THSD7B: variants seen among roughly 807,000 people sequenced by gnomAD.
THSD7B encodes the protein thrombospondin type-1 domain-containing protein 7B.
In THSD7B, 138 loss-of-function variants were observed where a neutral mutation model predicts 213.6. The ratio of observed to expected loss-of-function variants is 0.65; its 90% CI spans 0.56 to 0.74. The LOEUF (loss-of-function observed/expected upper bound fraction) is 0.74. Ranked by LOEUF, THSD7B falls within the 30% of genes least tolerant of loss-of-function variation. The pLI is 0.00. For missense variants in THSD7B, 1,931 were observed against 1,991.5 expected (o/e 0.97, Z 0.58); for synonymous variants, 742 against 687.0 (o/e 1.08, Z -1.25).
chr2:137,398,754 T>A (rs1686270330), intron 12 of THSD7B, among the ~76,000 whole-genome samples: 1 of 151,990 alleles, frequency 6.6e-6, no homozygotes, highest in African/African-American at 2.4e-5. Flanking sequence ...TGGGCGCCCC[T>A]CCCCCAGCCT....
At chr2:137,449,162 T>G (rs1007162836) in intron 14 of THSD7B, among the ~76,000 whole-genome samples, 1 of 151,988 alleles carries the variant, frequency 6.6e-6, no homozygotes, top group Non-Finnish European at 1.5e-5. Flanking sequence ...GGCAGGCTTG[T>G]GGAGAGAATA....
intron 12 of THSD7B, among the ~76,000 whole-genome samples, chr2:137,392,703 T>A (rs1686061735): frequency 6.6e-6 from 1 of 152,140 alleles, no homozygotes. Context: ...CTCATTCTGC[T>A]TATCTATATA....
chr2:137,420,320 G>C (rs964360032), intron 14 of THSD7B, among the ~76,000 whole-genome samples: 4 of 152,068 alleles, frequency 2.6e-5, no homozygotes, highest in African/African-American at 9.7e-5. Context: ...TCCTCCTGCT[G>C]TGACTTTAAT....
chr2:137,262,131 C>T (rs951158163), intron 10 of THSD7B, among the ~76,000 whole-genome samples: 1 of 152,054 alleles, frequency 6.6e-6, no homozygotes, highest in Non-Finnish European at 1.5e-5. Context: ...GCACAATGGT[C>T]GGCCTGAATA....
At chr2:137,357,786 G>A (rs1036343133) in intron 12 of THSD7B, among the ~76,000 whole-genome samples, 1 of 152,194 alleles carries the variant, frequency 6.6e-6, no homozygotes, top group African/African-American at 2.4e-5. Context: ...GGAGGAGGCA[G>A]TAGTGATGAT....
intron 2 of THSD7B, among the ~76,000 whole-genome samples, chr2:136,947,511 G>A (rs1684963688): frequency 6.6e-6 from 1 of 152,110 alleles, no homozygotes; most frequent in African/African-American, 2.4e-5. Context: ...TGATTCCCTG[G>A]AGGAAAGAGA....
chr2:137,400,056 A>G lies in THSD7B; in HGVS notation c.2501-5557A>G, dbSNP rs138875029. Among the ~76,000 whole-genome samples, 193 of 152,208 alleles carry G rather than the reference A, an allele frequency of 1.3e-3. 1 individual carries two copies. The highest frequency in any genetic ancestry group is 4.3e-3 in the African/African-American group (179 of 41,550). On this transcript the variant is annotated intron_variant, in intron 12 of 27. Coordinates refer to ENST00000409968, the MANE Select transcript of THSD7B (RefSeq NM_001316349.2). ...ATTATTTCTGTTTTTTTAAATAAAT[A>G]TATCTTATCACCTTGGTAATTTTTT...
At chr2:137,645,372 A>G (rs1363971568) in intron 21 of THSD7B, among the ~76,000 whole-genome samples, 1 of 152,238 alleles carries the variant, frequency 6.6e-6, no homozygotes, top group Non-Finnish European at 1.5e-5. Context: ...AGTTAACGAG[A>G]AAACCTGTGC....
intron 12 of THSD7B, among the ~76,000 whole-genome samples, chr2:137,297,605 C>T (rs1250097242): frequency 1.3e-5 from 2 of 152,080 alleles, no homozygotes; most frequent in Non-Finnish European, 2.9e-5. Flanking sequence ...ATGGTGCCCC[C>T]ACCCAAATCT....
intron 12 of THSD7B, among the ~76,000 whole-genome samples, chr2:137,331,588 A>G (rs1684507663): frequency 6.6e-6 from 1 of 152,186 alleles, no homozygotes; most frequent in African/African-American, 2.4e-5. Flanking sequence ...GCTGCCTGCC[A>G]GTCCTGTGCC....
intron 2 of THSD7B, among the ~76,000 whole-genome samples, chr2:136,979,011 G>A (rs534034369): frequency 6.6e-6 from 1 of 151,922 alleles, no homozygotes; most frequent in East Asian, 1.9e-4. Context: ...TTAGCATTTG[G>A]TTGTCTGAAA....
intron 1 of THSD7B, among the ~76,000 whole-genome samples, chr2:136,787,905 C>T (rs1346601042): frequency 6.6e-6 from 1 of 152,064 alleles, no homozygotes; most frequent in Admixed American, 6.6e-5. Context: ...GCTGCTTTTC[C>T]AACCTGGCTC....
rs183092631 is a variant in THSD7B at position 136,974,353 on chromosome 2, C to A, written c.140-82067C>A. On this transcript the variant is annotated intron_variant, in intron 2 of 27. Coordinates refer to ENST00000409968, the MANE Select transcript of THSD7B (RefSeq NM_001316349.2). ...TCCTAATGCTCTCCCTCCCCTGAAC[C>A]CCCCGCCCCGCACAGGCCCCAGATT... Among the ~76,000 whole-genome samples the A allele has an allele frequency of 6.8e-3, 1,030 of 152,086 alleles. 9 individuals carry two copies. Among genetic ancestry groups the A allele is most frequent in the Non-Finnish European group, 7.5e-3 (509 of 68,002 alleles).
intron 2 of THSD7B, among the ~76,000 whole-genome samples, chr2:136,919,939 C>A (rs545736666): frequency 6.6e-6 from 1 of 152,192 alleles, no homozygotes; most frequent in Non-Finnish European, 1.5e-5. Flanking sequence ...TCACTGTGGG[C>A]AGCAGGGAAC....
intron 15 of THSD7B, among the ~76,000 whole-genome samples, chr2:137,489,382 C>T (rs898505398): frequency 1.3e-5 from 2 of 151,116 alleles, no homozygotes; most frequent in Non-Finnish European, 2.9e-5. Flanking sequence ...CAAGATCGCA[C>T]CATGGCACTC....
chr2:137,020,660 T>C (rs1686426424), intron 2 of THSD7B, among the ~76,000 whole-genome samples: 1 of 152,124 alleles, frequency 6.6e-6, no homozygotes. Context: ...CCCATTAGCC[T>C]CCAGGCAGCT....
At chr2:137,543,972 G>A (rs1680653283) in intron 15 of THSD7B, among the ~76,000 whole-genome samples, 1 of 151,738 alleles carries the variant, frequency 6.6e-6, no homozygotes, top group Non-Finnish European at 1.5e-5. Context: ...AGTAAGTGTT[G>A]GTGAAGATGT....
chr2:137,232,964 A>T lies in THSD7B; in HGVS notation c.1981A>T (p.Met661Leu), dbSNP rs774268629. ...EHRLCNDHSC[M>L]QLHWETSPWG... ...TCGTTTGTGTAATGACCATTCCTGT[A>T]TGCAGCTTCACTGGGAGACATCGCC... Residue 661 changes from methionine (M) to leucine (L), a missense_variant, in exon 9 of 28, where the codon ATG becomes TTG. Coordinates refer to ENST00000409968, the MANE Select transcript of THSD7B (RefSeq NM_001316349.2). The T allele has an allele frequency of 5.6e-6, 9 of 1,613,938 alleles. No individual in the cohort carries two copies. The South Asian group carries it at 9.9e-5, about 18-fold the overall frequency.
intron 3 of THSD7B, among the ~76,000 whole-genome samples, chr2:137,058,627 T>C (rs1011334578): frequency 2.0e-5 from 3 of 152,202 alleles, no homozygotes; most frequent in African/African-American, 7.2e-5. Context: ...TACACAAACA[T>C]TGAGTGCATA....
Sources: allele counts gnomAD v4.1 joint callset (sites outside exome capture counted in the v4.1 genomes callset), GRCh38; gene constraint gnomAD v4.1.1; transcripts MANE v1.5; gene names NCBI Gene and HGNC (gene_info 2026-07-23, HGNC 2026-07-21).